The following WDR59 variants were observed in gnomAD, a reference collection of about 807,000 sequenced individuals.
WDR59 encodes the protein WD repeat domain 59, also known as GATOR2 complex protein WDR59.
Under a neutral mutation model 131.2 loss-of-function variants are expected in WDR59, and 100 were observed. That is an observed-to-expected ratio of 0.76 (90% CI 0.65 to 0.90). The LOEUF (loss-of-function observed/expected upper bound fraction) is 0.90, where lower values mean the gene tolerates loss of function less well. Among genes scored for constraint, WDR59 ranks in the 40% least tolerant of loss-of-function variants. The pLI is 0.00. For synonymous variants in WDR59, 601 were observed against 466.2 expected (o/e 1.29, Z -3.72); for missense variants, 1,203 against 1,262.2 (o/e 0.95, Z 0.71).
chr16:74,938,391 A>G (rs2031969426), intron 7 of WDR59, 125 bp from the exon 8 acceptor site: 2 of 581,106 alleles, frequency 3.4e-6, no homozygotes, highest in Non-Finnish European at 5.6e-6. Context: ...TCTACCCTAC[A>G]CAGACTTTGT....
chr16:74,882,503 C>G (rs950759066), intron 25 of WDR59, among the ~76,000 whole-genome samples: 3 of 152,152 alleles, frequency 2.0e-5, no homozygotes, highest in South Asian at 4.1e-4. Flanking sequence ...GAGGCCGAGG[C>G]AGGCACATCG....
intron 1 of WDR59, among the ~76,000 whole-genome samples, chr16:74,971,047 T>C (rs2033962946): frequency 1.3e-5 from 2 of 149,584 alleles, no homozygotes; most frequent in South Asian, 2.1e-4. Context: ...AGACCCTGTC[T>C]AAAAAAAAAG....
chr16:74,914,085 GC>G (rs1445482619), intron 13 of WDR59, among the ~76,000 whole-genome samples: 1 of 152,086 alleles, frequency 6.6e-6, no homozygotes, highest in Non-Finnish European at 1.5e-5. Context: ...GGTGGCGTGC[GC>G]CCATAATCCC....
rs1965254248 is a variant in WDR59, at chr16:74,895,411, C to A, written c.1867-1599G>T. On this transcript the variant is annotated intron_variant, in intron 18 of 25. Coordinates refer to ENST00000262144, the MANE Select transcript of WDR59 (RefSeq NM_030581.4). ...CCGAGTAGCTGGGATTACAGGCATGCACCATCATACTCAGCTAATTTTTGT... is the reference window on the plus strand; with the variant it reads ...CCGAGTAGCTGGGATTACAGGCATGAACCATCATACTCAGCTAATTTTTGT... Among the ~76,000 whole-genome samples the A allele has an allele frequency of 2.0e-5, 3 of 152,160 alleles. No individual in the cohort carries two copies. The South Asian group carries it at 6.2e-4, about 32-fold the overall frequency.
chr16:74,958,615 A>AAAAAAAAAAAAAAAAAAAAAAAAC (rs1567432657), intron 2 of WDR59, among the ~76,000 whole-genome samples: 1 of 140,742 alleles, frequency 7.1e-6, no homozygotes, highest in Non-Finnish European at 1.6e-5. Context: ...AAAAAAAAAA[A>AAAAAAAAAAAAAAAAAAAAAAAAC]AAAAACAAGC....
intron 1 of WDR59, among the ~76,000 whole-genome samples, chr16:74,978,834 A>G (rs148185055): frequency 5.0e-4 from 76 of 152,258 alleles, no homozygotes; most frequent in African/African-American, 1.6e-3. Flanking sequence ...GTCTCCAAGT[A>G]TGTTCAGCTG....
intron 23 of WDR59, chr16:74,886,614 C>G: frequency 2.0e-6 from 1 of 501,728 alleles, no homozygotes; most frequent in Non-Finnish European, 3.3e-6. Context: ...TAAGTACACA[C>G]ACATGATGCT....
At chr16:74,926,520 A>C (rs1284995466) in intron 8 of WDR59, among the ~76,000 whole-genome samples, 2 of 152,230 alleles carry the variant, frequency 1.3e-5, no homozygotes, top group Non-Finnish European at 2.9e-5. Flanking sequence ...ACCAGTTTTG[A>C]TAATGGCCTT....
chr16:74,955,975 C>T (rs1170309340), intron 3 of WDR59, among the ~76,000 whole-genome samples: 6 of 151,958 alleles, frequency 3.9e-5, no homozygotes, highest in African/African-American at 1.2e-4. Flanking sequence ...AAAAATCACA[C>T]ATAAACAGGC....
intron 3 of WDR59, 130 bp downstream of exon 3, chr16:74,956,345 C>T: frequency 7.9e-7 from 1 of 1,262,210 alleles, no homozygotes; most frequent in Non-Finnish European, 1.0e-6. Context: ...GTCTTTTTCT[C>T]AGAACCATCC....
chr16:74,912,156 G>C, intron 14 of WDR59, 42 bp downstream of exon 14: 1 of 1,613,240 alleles, frequency 6.2e-7, no homozygotes, highest in Non-Finnish European at 8.5e-7. Context: ...TCTAGACAAT[G>C]ATGCAGAACA....
At chr16:74,912,426 C>T (rs192572199) in intron 13 of WDR59, 64 bp from the exon 14 acceptor site, 322 of 1,538,666 alleles carry the variant, frequency 2.1e-4, no homozygotes, top group Non-Finnish European at 2.7e-4. Context: ...GATGCAAGCA[C>T]ATTTAACTGA....
intron 2 of WDR59, among the ~76,000 whole-genome samples, chr16:74,961,275 T>G (rs1362869532): frequency 6.6e-6 from 1 of 152,056 alleles, no homozygotes; most frequent in Non-Finnish European, 1.5e-5. Flanking sequence ...CATTCCAGCC[T>G]AGGCAACAGA....
Position 74,951,509 on chromosome 16 carries a change from T to C in WDR59, c.275A>G (p.Asp92Gly). The change falls in exon 4 of 26, where the codon GAC (aspartate) becomes GGC (glycine). Residue 92 changes from aspartate to glycine, a missense_variant. By Grantham distance (94) the Asp-to-Gly change is moderately conservative. Coordinates refer to ENST00000262144, the MANE Select transcript of WDR59 (RefSeq NM_030581.4). The stretch of plus-strand genomic sequence containing the variant: ...GGTTGTGCCAACTTCCCCACTGCCG[T>C]CTTTCCACTTGTAAAGGTCTACTCG... ...NQRVDLYKWK[D>G]GSGEVGTTLQ... 1.2e-6 allele frequency: 2 copies of C among 1,602,474 alleles called. No individual in the cohort carries two copies. Among genetic ancestry groups the C allele is most frequent in the Non-Finnish European group, 1.7e-6 (2 of 1,175,118 alleles).
chr16:74,975,321 A>C (rs1007319233), intron 1 of WDR59, among the ~76,000 whole-genome samples: 2 of 152,112 alleles, frequency 1.3e-5, no homozygotes, highest in African/African-American at 2.4e-5. Context: ...ATATCGCGCC[A>C]CTGCACTCCA....
chr16:74,901,095 T>C (rs1965526311), intron 18 of WDR59, among the ~76,000 whole-genome samples: 1 of 151,066 alleles, frequency 6.6e-6, no homozygotes, highest in South Asian at 2.1e-4. Context: ...CAAAATGCTG[T>C]CTCAAAACAA....
chr16:74,979,493 A>G (rs1259126435), intron 1 of WDR59, among the ~76,000 whole-genome samples: 2 of 146,434 alleles, frequency 1.4e-5, no homozygotes, highest in Non-Finnish European at 3.0e-5. Flanking sequence ...AACAAAACAA[A>G]CAAACAAAAA....
At chr16:74,938,127 A>G in intron 8 of WDR59, 23 bp downstream of exon 8, 1 of 1,463,418 alleles carries the variant, frequency 6.8e-7, no homozygotes, top group Non-Finnish European at 9.1e-7. Flanking sequence ...TGCTCCTCCA[A>G]CTTCCCCATG....
At chr16:74,916,844 G>C (rs552741400) in intron 11 of WDR59, among the ~76,000 whole-genome samples, 1 of 136,634 alleles carries the variant, frequency 7.3e-6, no homozygotes, top group African/African-American at 2.7e-5. Context: ...GGGCAACAGA[G>C]AGAGACTCCA....
Sources: allele counts gnomAD v4.1 joint callset (sites outside exome capture counted in the v4.1 genomes callset), GRCh38; gene constraint gnomAD v4.1.1; transcripts MANE v1.5; gene names NCBI Gene and HGNC (gene_info 2026-07-23, HGNC 2026-07-21).